Variants in TRIM32 observed in about 807,000 individuals in gnomAD.
TRIM32 encodes the protein tripartite motif containing 32, also known as E3 ubiquitin-protein ligase TRIM32.
In TRIM32, 19 loss-of-function variants were observed where a neutral mutation model predicts 36.0. The ratio of observed to expected loss-of-function variants is 0.53; its 90% confidence interval spans 0.37 to 0.77. The LOEUF (loss-of-function observed/expected upper bound fraction) is 0.77. Ranked by LOEUF, TRIM32 falls within the 30% of genes least tolerant of loss-of-function variation. TRIM32 has a pLI of 0.00. For synonymous variants in TRIM32, 309 were observed against 318.5 expected, an observed-to-expected ratio of 0.97 and a Z score of 0.32; for missense variants, 747 against 845.2, an observed-to-expected ratio of 0.88 and a Z score of 1.44.
intron 1 of TRIM32, among the ~76,000 whole-genome samples, chr9:116,692,528 C>T (rs1009381596): frequency 4.6e-5 from 7 of 152,140 alleles, no homozygotes; most frequent in Non-Finnish European, 8.8e-5. Context: ...ATTTTAAAGT[C>T]CCTTTCCATA....
chr9:116,694,493 G>T (rs1351888717), intron 1 of TRIM32, among the ~76,000 whole-genome samples: 4 of 117,910 alleles, frequency 3.4e-5, no homozygotes, highest in African/African-American at 1.3e-4. Context: ...ATGGAGTCTC[G>T]CTCTGTCACC....
chr9:116,688,304 A>T (rs1227340995), intron 1 of TRIM32, among the ~76,000 whole-genome samples: 1 of 152,044 alleles, frequency 6.6e-6, no homozygotes, highest in Non-Finnish European at 1.5e-5. Context: ...TGGGGTGGAG[A>T]TGTCCTAACT....
At chr9:116,696,161 G>A (rs1438669011) in intron 1 of TRIM32, among the ~76,000 whole-genome samples, 4 of 151,890 alleles carry the variant, frequency 2.6e-5, no homozygotes, top group South Asian at 2.1e-4. Flanking sequence ...TGAAAATGAC[G>A]CTCAAAAATC....
Position 116,698,041 on chromosome 9 carries a change from G to A in TRIM32, c.299G>A (p.Cys100Tyr), listed in dbSNP as rs775563324. 8 of 1,614,060 alleles carry A rather than the reference G, an allele frequency of 5.0e-6. No individual in the cohort carries two copies. The highest frequency in any genetic ancestry group is 5.1e-6 in the Non-Finnish European group (6 of 1,180,042). The change falls in exon 2 of 2, where the codon TGT (cysteine) becomes TAT (tyrosine). Residue 100 changes from cysteine to tyrosine, a missense_variant. Cys to Tyr is a radical substitution (Grantham distance 194, BLOSUM62 -2). Transcript: ENST00000450136. The surrounding 1 kb of genome is among the most constrained non-coding windows in gnomAD (Gnocchi z 4.4). Reference protein sequence around the residue: ...GLSEAVGLLMCRSCGRRLPRQ... With the variant: ...GLSEAVGLLMYRSCGRRLPRQ... ...AGCGAGGCTGTGGGGCTGCTCATGTGTCGGTCCTGTGGGCGGCGTCTGCCC... is the reference window on the plus strand; with the variant it reads ...AGCGAGGCTGTGGGGCTGCTCATGTATCGGTCCTGTGGGCGGCGTCTGCCC...
At chr9:116,693,539 TG>T (rs34052323) in intron 1 of TRIM32, among the ~76,000 whole-genome samples, 2,342 of 152,262 alleles carry the variant, frequency 0.015, 64 homozygotes, top group African/African-American at 0.054. Context: ...TAGTACAGTA[TG>T]GTATGGGATG....
rs1263206772 is a variant in TRIM32, at chr9:116,697,725, C to T, written c.-18C>T. The T allele has an allele frequency of 6.2e-7, 1 of 1,613,522 alleles. No homozygotes were observed. The highest frequency in any genetic ancestry group is 1.1e-5 in the South Asian group (1 of 91,052). On this transcript the variant is annotated 5_prime_UTR_variant, in exon 2 of 2. Coordinates refer to ENST00000450136, the MANE Select transcript of TRIM32 (RefSeq NM_012210.4). ...TCAGTTCTGAGCTGTGCTAGCAATA[C>T]CCTTCAAAGGAAGAGCAATGGCTGC...
rs779843649 is a variant in TRIM32 at position 116,699,555 on chromosome 9, G to T, written c.1813G>T (p.Gly605Cys). The part of the protein sequence containing the change: ...SRKEILHFPK[G>C]GGYSVLIREG... The stretch of plus-strand genomic sequence containing the variant: ...CAAGGAAATTCTCCATTTTCCTAAG[G>T]GTGGGGGCTATAGTGTCCTTATTCG... Residue 605 changes from glycine (G) to cysteine (C), a missense_variant, in exon 2 of 2, where the codon GGT becomes TGT. Coordinates refer to ENST00000450136, the MANE Select transcript of TRIM32 (RefSeq NM_012210.4). This position sits in a 1 kb window ranked among gnomAD's most constrained non-coding sequence, Gnocchi z 4.2. 3 of 1,614,094 alleles carry T rather than the reference G, an allele frequency of 1.9e-6. No individual in the cohort carries two copies. The highest frequency in any genetic ancestry group is 2.5e-6 in the Non-Finnish European group (3 of 1,180,052).
At chr9:116,696,733 G>A (rs1860873561) in intron 1 of TRIM32, among the ~76,000 whole-genome samples, 1 of 152,004 alleles carries the variant, frequency 6.6e-6, no homozygotes, top group African/African-American at 2.4e-5. Context: ...TGAAGAGCAG[G>A]ATCTGTATCC....
At chr9:116,688,283 G>A (rs1263212430) in intron 1 of TRIM32, among the ~76,000 whole-genome samples, 1 of 152,066 alleles carries the variant, frequency 6.6e-6, no homozygotes, top group Non-Finnish European at 1.5e-5. Flanking sequence ...GGTTTGGAGA[G>A]GATTGAATCG....
chr9:116,699,779 A>G lies in TRIM32; in HGVS notation c.*75A>G, dbSNP rs1381686841. On this transcript the variant is annotated 3_prime_UTR_variant, in exon 2 of 2. Coordinates refer to ENST00000450136, the MANE Select transcript of TRIM32 (RefSeq NM_012210.4). This position sits in a 1 kb window ranked among gnomAD's most constrained non-coding sequence, Gnocchi z 4.2. ...CTTAGTTCTTGGTTGTTAGTGGCAC[A>G]TGCAGAATAGACTCAGCCTATGTCC... 6.3e-7 allele frequency: 1 copy of G among 1,599,268 alleles called. No individual in the cohort carries two copies. The highest frequency in any genetic ancestry group is 8.6e-7 in the Non-Finnish European group (1 of 1,167,836).
In TRIM32 at chr9:116,697,692, T is replaced by G. The variant is rs755938925; in HGVS notation, c.-51T>G. ...ATTTGACCCTCTAGGGCATGAATACTGTGCTGTTCAGTTCTGAGCTGTGCT... is the reference window on the plus strand; with the variant it reads ...ATTTGACCCTCTAGGGCATGAATACGGTGCTGTTCAGTTCTGAGCTGTGCT... On this transcript the variant is annotated 5_prime_UTR_variant, in exon 2 of 2. Coordinates refer to ENST00000450136, the MANE Select transcript of TRIM32 (RefSeq NM_012210.4). The G allele has an allele frequency of 1.2e-6, 2 of 1,610,718 alleles. No individual in the cohort carries two copies. Among genetic ancestry groups the G allele is most frequent in the Non-Finnish European group, 1.7e-6 (2 of 1,179,332 alleles).
At chr9:116,691,378 G>A (rs1423112842) in intron 1 of TRIM32, among the ~76,000 whole-genome samples, 1 of 152,126 alleles carries the variant, frequency 6.6e-6, no homozygotes, top group Non-Finnish European at 1.5e-5. Context: ...GGCAGCGTAG[G>A]TACTACTCAA....
Position 116,687,363 on chromosome 9 carries a change from C to T in TRIM32, c.-100C>T, listed in dbSNP as rs1343705563. 5 of 352,688 alleles carry T rather than the reference C, an allele frequency of 1.4e-5. No individual in the cohort carries two copies. Among genetic ancestry groups the T allele is most frequent in the Admixed American group, 7.2e-5 (1 of 13,922 alleles). 21.8% of individuals were successfully genotyped at this position (352,688 alleles called of 1,614,324 possible). A position where few individuals can be genotyped will look rare whatever the true frequency, so the allele number is the denominator to read the frequency against. ...GGTGGGCTGCCGGCGGTGGACTCGT[C>T]GGAGCCGCGGGCGGTCAGGTAGGGG... On this transcript the variant is annotated 5_prime_UTR_variant, in exon 1 of 2. Coordinates refer to ENST00000450136, the MANE Select transcript of TRIM32 (RefSeq NM_012210.4).
chr9:116,690,145 C>T (rs965384466), intron 1 of TRIM32, among the ~76,000 whole-genome samples: 10 of 152,210 alleles, frequency 6.6e-5, no homozygotes, highest in African/African-American at 2.4e-4. Context: ...AAACTCCTTA[C>T]TCTAATTTCC....
chr9:116,699,798 T>TATG lies in TRIM32; in HGVS notation c.*95_*97dup. 3 of 1,549,858 alleles carry TATG rather than the reference T, an allele frequency of 1.9e-6. No individual in the cohort carries two copies. The South Asian group carries it at 3.4e-5, about 18-fold the overall frequency. ...TGGCACATGCAGAATAGACTCAGCC[T>TATG]ATGTCCTGATTCCAGCTGGGTAGTT... On this transcript the variant is annotated 3_prime_UTR_variant, in exon 2 of 2. Transcript: ENST00000450136. This position sits in a 1 kb window ranked among gnomAD's most constrained non-coding sequence, Gnocchi z 4.2.
rs138735929 is a variant in TRIM32, at chr9:116,699,665, G to A, written c.1923G>A (p.Lys641=). 6.2e-7 allele frequency: 1 copy of A among 1,614,192 alleles called. No homozygotes were observed. Among genetic ancestry groups the A allele is most frequent in the Non-Finnish European group, 8.5e-7 (1 of 1,180,036 alleles). ...LVLDCWDHCI[K]IYSYHLRRYS... ...TGGACTGTTGGGATCATTGCATCAAGATCTACAGCTACCATCTGAGAAGAT... is the reference window on the plus strand; with the variant it reads ...TGGACTGTTGGGATCATTGCATCAAAATCTACAGCTACCATCTGAGAAGAT... The change falls in exon 2 of 2, where the codon AAG becomes AAA. Residue 641 remains lysine (K), a synonymous_variant. Coordinates refer to ENST00000450136, the MANE Select transcript of TRIM32 (RefSeq NM_012210.4). This position sits in a 1 kb window ranked among gnomAD's most constrained non-coding sequence, Gnocchi z 4.2.
In TRIM32 at chr9:116,699,814, C is replaced by A; in HGVS notation, c.*110C>A. The stretch of plus-strand genomic sequence containing the variant: ...GACTCAGCCTATGTCCTGATTCCAG[C>A]TGGGTAGTTCTAGAACTTCAGAAGC... On this transcript the variant is annotated 3_prime_UTR_variant, in exon 2 of 2. Coordinates refer to ENST00000450136, the MANE Select transcript of TRIM32 (RefSeq NM_012210.4). This position sits in a 1 kb window ranked among gnomAD's most constrained non-coding sequence, Gnocchi z 4.2. The A allele has an allele frequency of 6.8e-7, 1 of 1,471,518 alleles. No individual in the cohort carries two copies. Among genetic ancestry groups the A allele is most frequent in the Non-Finnish European group, 9.4e-7 (1 of 1,063,612 alleles). The allele number at this position is 1,471,518 out of a possible 1,614,324, so 91.2% of individuals were successfully genotyped here.
chr9:116,687,943 C>CT (rs1004419753), intron 1 of TRIM32, among the ~76,000 whole-genome samples: 1 of 151,804 alleles, frequency 6.6e-6, no homozygotes, highest in African/African-American at 2.4e-5. Context: ...TTGAGGGACT[C>CT]TATCTTGTTA....
rs747067557 is a variant in TRIM32, at chr9:116,699,096, C to A, written c.1354C>A (p.Leu452Ile). 1.1e-5 allele frequency: 18 copies of A among 1,614,030 alleles called. 1 individual carries two copies. The South Asian group carries it at 1.6e-4, about 15-fold the overall frequency. Residue 452 changes from leucine to isoleucine, a missense_variant, in exon 2 of 2, where the codon CTC (leucine) becomes ATC (isoleucine). By Grantham distance (5) the Leu-to-Ile change is conservative. Transcript: ENST00000450136. This position sits in a 1 kb window ranked among gnomAD's most constrained non-coding sequence, Gnocchi z 4.2. ...IGVTDSYDNS[L>I]KVYTLDGHCV... is the part of the protein sequence containing the mutation. The stretch of plus-strand genomic sequence containing the variant: ...TGTGACTGACAGCTATGATAACTCC[C>A]TCAAGGTATATACCTTGGATGGCCA...
Sources: allele counts gnomAD v4.1 joint callset (sites outside exome capture counted in the v4.1 genomes callset), GRCh38; gene constraint gnomAD v4.1.1; non-coding constraint Gnocchi (gnomAD v3.1); transcripts MANE v1.5; gene names NCBI Gene and HGNC (gene_info 2026-07-23, HGNC 2026-07-21).